Variants in SHCBP1 observed in about 807,000 individuals in gnomAD.
The protein encoded by SHCBP1 is SHC SH2 domain-binding protein 1.
SHCBP1 carries 60 observed loss-of-function variants against 75.1 expected under a neutral mutation model. The ratio of observed to expected loss-of-function variants is 0.80; its 90% CI spans 0.65 to 0.99. The LOEUF (loss-of-function observed/expected upper bound fraction) is 0.99. Among genes scored for constraint, SHCBP1 ranks in the 50% least tolerant of loss-of-function variants. The probability of loss-of-function intolerance (pLI) is 0.00; values close to 1 mark genes in which losing one functional copy is unlikely to be tolerated. For missense variants in SHCBP1, 709 were observed against 809.4 expected (o/e 0.88, Z 1.50); for synonymous variants, 290 against 293.2 (o/e 0.99, Z 0.11).
intron 10 of SHCBP1, among the ~76,000 whole-genome samples, chr16:46,588,830 G>A (rs1346597109): frequency 6.6e-6 from 1 of 152,076 alleles, no homozygotes; most frequent in Non-Finnish European, 1.5e-5. Context: ...TATGAGGCCA[G>A]CATCATCCTG....
At chr16:46,586,663 A>G (rs951991961) in intron 10 of SHCBP1, among the ~76,000 whole-genome samples, 1 of 152,226 alleles carries the variant, frequency 6.6e-6, no homozygotes, top group Non-Finnish European at 1.5e-5. Context: ...AACATACATC[A>G]TAATTAAACT....
At chr16:46,603,353 A>C (rs577575004) in intron 8 of SHCBP1, among the ~76,000 whole-genome samples, 186 bp downstream of exon 8, 2 of 152,322 alleles carry the variant, frequency 1.3e-5, no homozygotes, top group South Asian at 4.1e-4. Context: ...AAAGAACCAC[A>C]ACTCAAATTG....
intron 1 of SHCBP1, chr16:46,620,858 G>A (rs184272360): frequency 7.8e-5 from 13 of 167,406 alleles, no homozygotes; most frequent in Admixed American, 3.2e-4. Context: ...AAGGGTTCAA[G>A]CTTTTCTCTT....
chr16:46,585,541 C>T (rs750919362), intron 10 of SHCBP1, among the ~76,000 whole-genome samples: 5 of 152,114 alleles, frequency 3.3e-5, no homozygotes, highest in South Asian at 2.1e-4. Flanking sequence ...GCTGCTCTAA[C>T]GAAAGGACTA....
chr16:46,617,368 T>A (rs1965516371), intron 3 of SHCBP1, among the ~76,000 whole-genome samples: 1 of 152,214 alleles, frequency 6.6e-6, no homozygotes, highest in African/African-American at 2.4e-5. Flanking sequence ...TTTGAAACCA[T>A]TAACTTCATA....
chr16:46,583,485 T>G, intron 12 of SHCBP1, 31 bp downstream of exon 12: 1 of 1,569,156 alleles, frequency 6.4e-7, no homozygotes, highest in Non-Finnish European at 8.6e-7. Flanking sequence ...AAATTATGTC[T>G]GGTTTTTATA....
chr16:46,608,198 T>C (rs1368768135), intron 5 of SHCBP1, 99 bp downstream of exon 5: 4 of 708,202 alleles, frequency 5.6e-6, no homozygotes, highest in Non-Finnish European at 9.9e-6. Context: ...AGTGAGTGAG[T>C]GTGGGTGTGT....
Position 46,618,286 on chromosome 16 carries a change from T to C in SHCBP1, c.190A>G (p.Lys64Glu), listed in dbSNP as rs751217741. The C allele has an allele frequency of 6.2e-7, 1 of 1,614,034 alleles. No individual in the cohort carries two copies. The highest frequency in any genetic ancestry group is 8.5e-7 in the Non-Finnish European group (1 of 1,179,982). Residue 64 changes from lysine (K) to glutamate (E), a missense_variant, in exon 2 of 13, where the codon AAA becomes GAA. Lys to Glu is a moderately conservative substitution (Grantham distance 56, BLOSUM62 1). Transcript: ENST00000303383. ...TGGAAAATTTCTGGGAAAAAGGTTT[T>C]TCCTTCTGGCATAAAACTTTGTAAA... ...SSLQSFMPEG[K>E]TFFPEIFQTN... is the part of the protein sequence containing the mutation.
At chr16:46,594,911 A>C (rs988346971) in intron 10 of SHCBP1, among the ~76,000 whole-genome samples, 1 of 152,242 alleles carries the variant, frequency 6.6e-6, no homozygotes, top group Non-Finnish European at 1.5e-5. Flanking sequence ...TCCACAGTAA[A>C]AAGGAGCAAG....
chr16:46,604,069 T>C lies in SHCBP1; in HGVS notation c.998A>G (p.His333Arg). The C allele has an allele frequency of 6.2e-7, 1 of 1,614,162 alleles. No individual in the cohort carries two copies. The highest frequency in any genetic ancestry group is 8.5e-7 in the Non-Finnish European group (1 of 1,179,998). ...GVRSSGQKIT[H>R]VVSSTMMAGL... ...AGCCATCATGGTGGAGGAGACCACA[T>C]GAGTGATCTTCTGACCGCTGGAACG... The change falls in exon 7 of 13, where the codon CAT becomes CGT. Residue 333 changes from histidine to arginine, a missense_variant. By Grantham distance (29) the His-to-Arg change is conservative (BLOSUM62 0). Transcript: ENST00000303383.
At chr16:46,606,823 C>CT (rs778227259) in intron 5 of SHCBP1, among the ~76,000 whole-genome samples, 166 of 143,566 alleles carry the variant, frequency 1.2e-3, no homozygotes, top group Middle Eastern at 3.6e-3. Flanking sequence ...GACTTTCAAA[C>CT]TTTTTTTTTT....
chr16:46,614,623 C>A lies in SHCBP1; in HGVS notation c.596+1323G>T, dbSNP rs372694886. 2.0e-5 allele frequency among the ~76,000 whole-genome samples: 3 copies of A among 152,168 alleles called. No individual in the cohort carries two copies. In the South Asian group the frequency reaches 6.2e-4, roughly 32 times the overall value. On this transcript the variant is annotated intron_variant, in intron 4 of 12. Transcript: ENST00000303383. ...AAAAGACTCACAGGCAGGAATACAT[C>A]CCCTAAGGATCCTAGAAGCAGCCTA...
At chr16:46,594,315 A>C (rs1249655588) in intron 10 of SHCBP1, among the ~76,000 whole-genome samples, 1 of 152,212 alleles carries the variant, frequency 6.6e-6, no homozygotes, top group Non-Finnish European at 1.5e-5. Context: ...CAAGCTACAG[A>C]GTGGCAAAAA....
chr16:46,606,683 T>C (rs1018604282), intron 5 of SHCBP1, among the ~76,000 whole-genome samples: 3 of 152,338 alleles, frequency 2.0e-5, no homozygotes, highest in South Asian at 2.1e-4. Flanking sequence ...TGGGATTTTA[T>C]TGAATATGCT....
At position 46,616,212 on chromosome 16, in the gene SHCBP1, A is replaced by G. The variant is rs773365152; in HGVS notation, c.388-58T>C. 5 of 1,535,956 alleles carry G rather than the reference A, an allele frequency of 3.3e-6. No homozygotes were observed. The highest frequency in any genetic ancestry group is 4.4e-6 in the Non-Finnish European group (5 of 1,125,228). The stretch of plus-strand genomic sequence containing the variant: ...GAAATCAAAATGAAGATACACCTAT[A>G]AGACACTACTGACAACCTGATTTTT... On this transcript the variant is annotated intron_variant, in intron 3 of 12. Transcript: ENST00000303383. The surrounding 1 kb of genome is among the most constrained non-coding windows in gnomAD (Gnocchi z 4.4).
chr16:46,591,849 A>AT (rs2142998621), intron 10 of SHCBP1, among the ~76,000 whole-genome samples: 1 of 152,278 alleles, frequency 6.6e-6, no homozygotes, highest in South Asian at 2.1e-4. Flanking sequence ...CAACAGAAAG[A>AT]TAATAGTAAA....
chr16:46,584,711 C>T (rs974249766), intron 10 of SHCBP1, among the ~76,000 whole-genome samples: 7 of 152,158 alleles, frequency 4.6e-5, no homozygotes, highest in East Asian at 1.9e-4. Flanking sequence ...TCTCTCATAC[C>T]TTATGGCACC....
chr16:46,600,043 GT>G, intron 8 of SHCBP1, 81 bp from the exon 9 acceptor site: 1 of 1,493,976 alleles, frequency 6.7e-7, no homozygotes, highest in East Asian at 2.4e-5. Flanking sequence ...AGTTTCTCTA[GT>G]TTAAATGACT....
rs144688304 is a variant in SHCBP1, at chr16:46,586,396, A to C, written c.1465-2307T>G. Among the ~76,000 whole-genome samples the C allele has an allele frequency of 7.9e-4, 120 of 152,352 alleles. 2 individuals carry two copies. In the East Asian group the frequency reaches 0.023, roughly 29 times the overall value. On this transcript the variant is annotated intron_variant, in intron 10 of 12. Transcript: ENST00000303383. ...AAAGAATCAGTGAACTGGAAGACAG[A>C]ACAGTAAAATTTACCCAATAGCAGA...
Sources: gnomAD v4.1 joint callset for allele counts (sites outside exome capture counted in the v4.1 genomes callset) on GRCh38, gnomAD v4.1.1 for gene constraint, Gnocchi (gnomAD v3.1) non-coding constraint, MANE v1.5 for transcripts, NCBI Gene and HGNC (gene_info 2026-07-23, HGNC 2026-07-21) for gene names.